Variants in RGS17 observed in about 807,000 individuals in gnomAD.
RGS17 encodes the protein regulator of G-protein signaling 17.
Under a neutral mutation model 25.5 loss-of-function variants are expected in RGS17, and 12 were observed. The ratio of observed to expected loss-of-function variants is 0.47; its 90% CI spans 0.30 to 0.76. The LOEUF (loss-of-function observed/expected upper bound fraction) is 0.76. Among genes scored for constraint, RGS17 ranks in the 30% least tolerant of loss-of-function variants. RGS17 has a pLI of 0.07. For synonymous variants in RGS17, 71 were observed against 76.9 expected, an observed-to-expected ratio of 0.92 and a Z score of 0.40; for missense variants, 196 against 242.2, an observed-to-expected ratio of 0.81 and a Z score of 1.27.
chr6:153,090,398 G>A (rs1777110521), intron 1 of RGS17, among the ~76,000 whole-genome samples: 1 of 150,816 alleles, frequency 6.6e-6, no homozygotes, highest in Admixed American at 6.6e-5. Context: ...GGATCTGCTG[G>A]GCCCAGGAGT....
At chr6:153,076,530 C>CA (rs1776883078) in intron 1 of RGS17, among the ~76,000 whole-genome samples, 2 of 152,030 alleles carry the variant, frequency 1.3e-5, no homozygotes, top group African/African-American at 4.8e-5. Flanking sequence ...CCATTCCCCA[C>CA]AAAAAGGAAC....
Position 153,029,108 on chromosome 6 carries a change from G to A in RGS17, c.120-2565C>T, listed in dbSNP as rs529926639. 4.3e-4 allele frequency among the ~76,000 whole-genome samples: 65 copies of A among 152,276 alleles called. 1 individual carries two copies. Among genetic ancestry groups the A allele is most frequent in the Admixed American group, 2.4e-3 (36 of 15,286 alleles). Reference sequence around the variant, plus strand: ...TTTACATCTTTCTTTTCTACAGGTGGTAAAATATGGACACACATTTGGACT... The same window carrying A: ...TTTACATCTTTCTTTTCTACAGGTGATAAAATATGGACACACATTTGGACT... On this transcript the variant is annotated intron_variant, in intron 2 of 4. Transcript: ENST00000206262.
chr6:153,083,332 ATAGAG>A (rs1392150652), intron 1 of RGS17, among the ~76,000 whole-genome samples: 2 of 152,370 alleles, frequency 1.3e-5, no homozygotes, highest in East Asian at 3.9e-4. Context: ...CTTTCAGGAA[ATAGAG>A]TAAAGAAAAT....
At chr6:153,032,073 T>A (rs1169338943) in intron 2 of RGS17, among the ~76,000 whole-genome samples, 1 of 152,104 alleles carries the variant, frequency 6.6e-6, no homozygotes, top group Non-Finnish European at 1.5e-5. Context: ...ATAGAACTGA[T>A]GTTTCACTTA....
intron 2 of RGS17, among the ~76,000 whole-genome samples, chr6:153,037,084 T>C (rs906171935): frequency 2.6e-5 from 4 of 152,100 alleles, no homozygotes; most frequent in African/African-American, 9.7e-5. Context: ...TCTTCTTGAC[T>C]TTATATCCCA....
intron 1 of RGS17, among the ~76,000 whole-genome samples, chr6:153,064,014 A>G (rs1258486626): frequency 6.6e-6 from 1 of 152,208 alleles, no homozygotes; most frequent in Non-Finnish European, 1.5e-5. Context: ...TTCAAACATG[A>G]AGGAGAAATA....
intron 1 of RGS17, among the ~76,000 whole-genome samples, chr6:153,108,963 G>A (rs1777426008): frequency 6.6e-6 from 1 of 152,006 alleles, no homozygotes; most frequent in Non-Finnish European, 1.5e-5. Context: ...TTGTTCCCTA[G>A]TCAATCTGCA....
intron 4 of RGS17, among the ~76,000 whole-genome samples, chr6:153,019,444 G>A (rs1202657169): frequency 3.3e-5 from 5 of 152,072 alleles, no homozygotes; most frequent in East Asian, 1.9e-4. Context: ...TTTTGATATC[G>A]TTTGGATGTT....
At chr6:153,099,432 A>C (rs1037784716) in intron 1 of RGS17, among the ~76,000 whole-genome samples, 2 of 152,188 alleles carry the variant, frequency 1.3e-5, no homozygotes, top group African/African-American at 4.8e-5. Context: ...TATTACCCTG[A>C]CTTAACTTGA....
intron 1 of RGS17, among the ~76,000 whole-genome samples, chr6:153,076,699 C>CA (rs1483597421): frequency 1.3e-5 from 2 of 152,098 alleles, no homozygotes; most frequent in Non-Finnish European, 2.9e-5. Context: ...TGGCCAAAGT[C>CA]AGAGTAATTT....
At chr6:153,037,969 G>A (rs1011175342) in intron 2 of RGS17, among the ~76,000 whole-genome samples, 1 of 152,194 alleles carries the variant, frequency 6.6e-6, no homozygotes, top group Non-Finnish European at 1.5e-5. Context: ...CTAGGGCAGA[G>A]GGAGCCATGG....
At chr6:153,099,159 CAT>C (rs766285799) in intron 1 of RGS17, among the ~76,000 whole-genome samples, 3 of 152,144 alleles carry the variant, frequency 2.0e-5, no homozygotes, top group East Asian at 3.9e-4. Context: ...ACTAAATACA[CAT>C]GATTTAGTTG....
At chr6:153,013,225 CATT>C (rs990783237) in intron 4 of RGS17, among the ~76,000 whole-genome samples, 3 of 152,124 alleles carry the variant, frequency 2.0e-5, no homozygotes, top group Admixed American at 1.3e-4. Flanking sequence ...CAATTTTCAT[CATT>C]ATTATATATT....
At chr6:153,022,521 T>C (rs866613444) in intron 4 of RGS17, among the ~76,000 whole-genome samples, 2 of 152,268 alleles carry the variant, frequency 1.3e-5, no homozygotes, top group South Asian at 4.1e-4. Flanking sequence ...GCTACAAATA[T>C]AGCACAAAGG....
At position 153,031,058 on chromosome 6, in the gene RGS17, CA is replaced by C. The variant is rs1165576492; in HGVS notation, c.120-4516del. Reference sequence around the variant, plus strand: ...CATTCAGAGTGGGGATAAAATCATGCAGGGGCACAATACAAATGTAGAACAG... The same window carrying C: ...CATTCAGAGTGGGGATAAAATCATGCGGGGCACAATACAAATGTAGAACAG... On this transcript the variant is annotated intron_variant, in intron 2 of 4. Transcript: ENST00000206262. 3.9e-5 allele frequency among the ~76,000 whole-genome samples: 6 copies of C among 152,156 alleles called. No individual in the cohort carries two copies. The East Asian group carries it at 1.2e-3, about 29-fold the overall frequency.
intron 1 of RGS17, among the ~76,000 whole-genome samples, chr6:153,065,772 C>T (rs1045128756): frequency 2.0e-5 from 3 of 152,048 alleles, no homozygotes; most frequent in African/African-American, 7.2e-5. Flanking sequence ...CTATAGGATA[C>T]AGTAAAAGCA....
intron 3 of RGS17, among the ~76,000 whole-genome samples, chr6:153,025,598 T>C (rs914534157): frequency 1.1e-4 from 17 of 148,422 alleles, no homozygotes; most frequent in Non-Finnish European, 2.2e-4. Flanking sequence ...AATTTTCCAA[T>C]CTAAAAGACA....
intron 1 of RGS17, among the ~76,000 whole-genome samples, chr6:153,064,259 A>G (rs1776676621): frequency 6.6e-6 from 1 of 152,228 alleles, no homozygotes; most frequent in African/African-American, 2.4e-5. Context: ...ACTATGAACC[A>G]GTCAAAAATA....
At chr6:153,088,205 G>A (rs1057269375) in intron 1 of RGS17, among the ~76,000 whole-genome samples, 2 of 152,208 alleles carry the variant, frequency 1.3e-5, no homozygotes, top group African/African-American at 2.4e-5. Context: ...GTTGCCCACA[G>A]CGAACACCTT....
Sources: allele counts gnomAD v4.1 joint callset (sites outside exome capture counted in the v4.1 genomes callset), GRCh38; gene constraint gnomAD v4.1.1; transcripts MANE v1.5; gene names NCBI Gene and HGNC (gene_info 2026-07-23, HGNC 2026-07-21).